Variants in LINGO2 observed in about 807,000 individuals in gnomAD.
LINGO2 encodes the protein leucine rich repeat and Ig domain containing 2, also known as leucine-rich repeat and immunoglobulin-like domain-containing nogo receptor-interacting protein 2.
In LINGO2, 14 loss-of-function variants were observed where a neutral mutation model predicts 30.6. The observed-to-expected ratio is 0.46, with a 90% CI of 0.30 to 0.72. LINGO2 has a LOEUF of 0.72. Ranked by LOEUF, LINGO2 falls within the 30% of genes least tolerant of loss-of-function variation. LINGO2 has a pLI of 0.07. For synonymous variants in LINGO2, 317 were observed against 288.5 expected, an observed-to-expected ratio of 1.10 and a Z score of -1.00; for missense variants, 729 against 751.7, an observed-to-expected ratio of 0.97 and a Z score of 0.35.
intron 4 of LINGO2, among the ~76,000 whole-genome samples, chr9:28,188,929 G>A (rs1339963965): frequency 1.3e-5 from 2 of 152,076 alleles, no homozygotes; most frequent in Non-Finnish European, 2.9e-5. Flanking sequence ...GCCTATAAGG[G>A]AAAAGCATCT....
chr9:28,994,142 C>A, the LINGO2 span, among the ~76,000 whole-genome samples: 1 of 152,048 alleles, frequency 6.6e-6, no homozygotes, highest in South Asian at 2.1e-4. Context: ...CCAAAATCTC[C>A]TTAAGCTGAT....
At chr9:28,261,435 G>C (rs1162127305) in intron 4 of LINGO2, among the ~76,000 whole-genome samples, 1 of 151,706 alleles carries the variant, frequency 6.6e-6, no homozygotes, top group East Asian at 1.9e-4. Flanking sequence ...TCTATCCTTG[G>C]GTTGAGATCC....
chr9:28,141,335 G>C (rs1827666214), intron 4 of LINGO2, among the ~76,000 whole-genome samples: 1 of 152,194 alleles, frequency 6.6e-6, no homozygotes, highest in African/African-American at 2.4e-5. Context: ...TGCAAATGTG[G>C]TGTGGGAACG....
chr9:28,123,955 C>G (rs888591109), intron 4 of LINGO2, among the ~76,000 whole-genome samples: 1 of 152,066 alleles, frequency 6.6e-6, no homozygotes, highest in African/African-American at 2.4e-5. Context: ...TGTGAGCCAC[C>G]GCACCCAGCC....
At chr9:29,059,177 G>T in the LINGO2 span, among the ~76,000 whole-genome samples, 2 of 151,662 alleles carry the variant, frequency 1.3e-5, no homozygotes, top group Non-Finnish European at 2.9e-5. Context: ...ATAGATTGGA[G>T]AACTCCATAT....
At position 27,997,042 on chromosome 9, in the gene LINGO2, C is replaced by T. The variant is rs905894078; in HGVS notation, c.-36+15313G>A. Among the ~76,000 whole-genome samples, 3 of 152,048 alleles carry T rather than the reference C, an allele frequency of 2.0e-5. No homozygotes were observed. In the East Asian group the frequency reaches 5.8e-4, roughly 29 times the overall value. On this transcript the variant is annotated intron_variant, in intron 5 of 5. Coordinates refer to ENST00000379992, the Ensembl canonical transcript of LINGO2. ...TTATGTCAAATTGAATTTTTAAACTCCAAAAGAGGAATTTAATATTCATAT... is the reference window on the plus strand; with the variant it reads ...TTATGTCAAATTGAATTTTTAAACTTCAAAAGAGGAATTTAATATTCATAT...
chr9:28,073,430 A>G (rs1587811533), intron 4 of LINGO2, among the ~76,000 whole-genome samples: 1 of 152,106 alleles, frequency 6.6e-6, no homozygotes, highest in Non-Finnish European at 1.5e-5. Context: ...AAACAAAACA[A>G]AACTCTTTTA....
intron 4 of LINGO2, among the ~76,000 whole-genome samples, chr9:28,250,959 G>A (rs1219530007): frequency 1.4e-5 from 2 of 146,864 alleles, no homozygotes; most frequent in Admixed American, 1.4e-4. Context: ...ACCATCAGGT[G>A]TCAACATAGG....
At chr9:28,511,489 C>T (rs549731637) in intron 1 of LINGO2, among the ~76,000 whole-genome samples, 13 of 152,240 alleles carry the variant, frequency 8.5e-5, no homozygotes, top group Admixed American at 1.3e-4. Context: ...ACTTTGTTCA[C>T]GGGCCCATTA....
chr9:28,177,918 T>C (rs1828792854), intron 4 of LINGO2, among the ~76,000 whole-genome samples: 1 of 152,214 alleles, frequency 6.6e-6, no homozygotes, highest in Non-Finnish European at 1.5e-5. Context: ...GCCTATCAAA[T>C]ACTCTTTACA....
chr9:28,967,202 G>A, the LINGO2 span, among the ~76,000 whole-genome samples: 1 of 152,128 alleles, frequency 6.6e-6, no homozygotes, highest in East Asian at 1.9e-4. Flanking sequence ...GCCCAAGGCA[G>A]TGCCCAATTC....
chr9:28,624,724 T>C lies in LINGO2; in HGVS notation c.-365+45476A>G, dbSNP rs1055046224. On this transcript the variant is annotated intron_variant, in intron 1 of 5. Coordinates refer to ENST00000379992, the Ensembl canonical transcript of LINGO2. Reference sequence around the variant, plus strand: ...AGAAGTATTCTCTCCACCTCTACTTTTTTTTGAAATAGTTTGAGTAGGATT... The same window carrying C: ...AGAAGTATTCTCTCCACCTCTACTTCTTTTTGAAATAGTTTGAGTAGGATT... Among the ~76,000 whole-genome samples, 15 of 151,846 alleles carry C rather than the reference T, an allele frequency of 9.9e-5. 1 individual carries two copies. In the East Asian group the frequency reaches 2.7e-3, roughly 28 times the overall value.
At chr9:28,222,109 A>T (rs1289154936) in intron 4 of LINGO2, among the ~76,000 whole-genome samples, 1 of 152,202 alleles carries the variant, frequency 6.6e-6, no homozygotes, top group African/African-American at 2.4e-5. Context: ...TTATAGAACA[A>T]AGGAAGATAA....
At chr9:28,783,436 TA>T in the LINGO2 span, among the ~76,000 whole-genome samples, 3 of 152,174 alleles carry the variant, frequency 2.0e-5, no homozygotes, top group African/African-American at 4.8e-5. Flanking sequence ...TAATACTTAA[TA>T]TTTTTTTACT....
intron 3 of LINGO2, among the ~76,000 whole-genome samples, chr9:28,362,373 A>C (rs1444655040): frequency 6.6e-6 from 1 of 152,244 alleles, no homozygotes; most frequent in Non-Finnish European, 1.5e-5. Flanking sequence ...AAATAAAATT[A>C]TACAATTATA....
At chr9:28,684,487 C>G in the LINGO2 span, among the ~76,000 whole-genome samples, 2 of 146,322 alleles carry the variant, frequency 1.4e-5, no homozygotes, top group Admixed American at 6.8e-5. Context: ...CCGCGCCCAG[C>G]CTTTTTTTTT....
intron 3 of LINGO2, among the ~76,000 whole-genome samples, chr9:28,353,984 C>G (rs1210226290): frequency 6.6e-6 from 1 of 152,096 alleles, no homozygotes; most frequent in Non-Finnish European, 1.5e-5. Flanking sequence ...AGGGGAATAT[C>G]ACACTCTGGG....
chr9:29,158,355 C>CA, the LINGO2 span, among the ~76,000 whole-genome samples: 2 of 151,738 alleles, frequency 1.3e-5, no homozygotes, highest in Admixed American at 1.3e-4. Context: ...GACCCTGTCT[C>CA]AAAAAAATAA....
chr9:28,326,480 T>C (rs1432803108), intron 3 of LINGO2, among the ~76,000 whole-genome samples: 1 of 152,224 alleles, frequency 6.6e-6, no homozygotes, highest in Non-Finnish European at 1.5e-5. Context: ...AAACTTGATA[T>C]TCTATATCAC....
Sources: gnomAD v4.1 joint callset for allele counts (sites outside exome capture counted in the v4.1 genomes callset) on GRCh38, gnomAD v4.1.1 for gene constraint, MANE v1.5 for transcripts, NCBI Gene and HGNC (gene_info 2026-07-23, HGNC 2026-07-21) for gene names.